NIPA2: variants seen among roughly 807,000 people sequenced by gnomAD.
The protein encoded by NIPA2 is NIPA magnesium transporter 2.
NIPA2 carries 11 observed loss-of-function variants against 29.7 expected under a neutral mutation model. The ratio of observed to expected loss-of-function variants is 0.37; its 90% confidence interval spans 0.23 to 0.61. The LOEUF (loss-of-function observed/expected upper bound fraction) is 0.61, where lower values mean the gene tolerates loss of function less well. NIPA2 is among the 20% of genes least tolerant of loss of function. The pLI, the probability that NIPA2 is intolerant of heterozygous loss-of-function variation, is 0.66. For synonymous variants in NIPA2, 183 were observed against 161.9 expected (o/e 1.13, Z -0.99); for missense variants, 426 against 437.9 (o/e 0.97, Z 0.24).
chr15:22,858,111 A>G (rs900498992), intron 5 of NIPA2, among the ~76,000 whole-genome samples: 4 of 152,000 alleles, frequency 2.6e-5, no homozygotes, highest in African/African-American at 9.7e-5. Flanking sequence ...TAAATTGGAG[A>G]GGCTGGGCGC....
rs763215261 is a variant in NIPA2 at position 22,866,306 on chromosome 15, A to G, written c.542A>G (p.Tyr181Cys). 1 of 1,613,962 alleles carries G rather than the reference A, an allele frequency of 6.2e-7. No individual in the cohort carries two copies. The highest frequency in any genetic ancestry group is 1.1e-5 in the South Asian group (1 of 91,080). Residue 181 changes from tyrosine to cysteine, a missense_variant, in exon 8 of 8, where the codon TAC becomes TGC. This residue lies in a region of NIPA2 where 357 missense variants were observed against 339.8 expected (regional missense o/e 1.05). Coordinates refer to ENST00000337451, the MANE Select transcript of NIPA2 (RefSeq NM_030922.7). ...PRHGQTNILV[Y>C]ITICSVIGAF... Reference sequence around the variant, plus strand: ...CATGGACAGACAAACATTCTTGTGTACATAACAATCTGCTCTGTAATCGGC... The same window carrying G: ...CATGGACAGACAAACATTCTTGTGTGCATAACAATCTGCTCTGTAATCGGC...
chr15:22,867,765 GT>G lies in NIPA2; in HGVS notation c.*921del, dbSNP rs766899409. ...TGAATGCTTAGAACAAACTTAACAT[GT>G]TTATAGAATATGGTCTCTTTGTACC... is the stretch of plus-strand genomic sequence containing the variant. On this transcript the variant is annotated 3_prime_UTR_variant, in exon 8 of 8. Transcript: ENST00000337451. 3 of 152,164 alleles carry G rather than the reference GT, an allele frequency of 2.0e-5. No individual in the cohort carries two copies. The highest frequency in any genetic ancestry group is 4.4e-5 in the Non-Finnish European group (3 of 68,042). 9.4% of individuals were successfully genotyped at this position (152,164 alleles called of 1,614,324 possible).
intron 5 of NIPA2, among the ~76,000 whole-genome samples, chr15:22,856,611 T>C (rs1007510964): frequency 2.6e-5 from 4 of 152,184 alleles, no homozygotes; most frequent in Non-Finnish European, 4.4e-5. Context: ...AATTGTAATA[T>C]GTTTAACCAA....
At chr15:22,860,422 G>A (rs1445148518) in intron 6 of NIPA2, among the ~76,000 whole-genome samples, 11 of 152,204 alleles carry the variant, frequency 7.2e-5, no homozygotes, top group Non-Finnish European at 1.6e-4. Flanking sequence ...GTATACAGGT[G>A]TAGTGTATGA....
chr15:22,855,843 C>T (rs752967559), intron 5 of NIPA2, among the ~76,000 whole-genome samples: 2 of 152,112 alleles, frequency 1.3e-5, no homozygotes, highest in East Asian at 1.9e-4. Context: ...GTGAAGGCCA[C>T]GAGTGGGGAG....
chr15:22,851,464 C>G (rs565110214), intron 3 of NIPA2, among the ~76,000 whole-genome samples, 175 bp from the exon 4 acceptor site: 1 of 151,870 alleles, frequency 6.6e-6, no homozygotes, highest in East Asian at 1.9e-4. Flanking sequence ...TATCTTTTGC[C>G]ATAATTTGAA....
chr15:22,853,222 C>T lies in NIPA2; in HGVS notation c.150C>T (p.Gly50=). 6.2e-7 allele frequency: 1 copy of T among 1,607,638 alleles called. No individual in the cohort carries two copies. The highest frequency in any genetic ancestry group is 1.7e-5 in the Admixed American group (1 of 59,936). Residue 50 remains glycine (G), a synonymous_variant, in exon 5 of 8, where the codon GGC becomes GGT. Transcript: ENST00000337451. ...TTTCTTCATTCACAGGTCAAGGTGG[C>T]CATGCATATCTTAAGGAATGGTTGT... The part of the protein sequence containing the change: ...RKGSMRAGQG[G]HAYLKEWLWW...
At chr15:22,853,299 T>G in intron 5 of NIPA2, 31 bp downstream of exon 5, 1 of 1,403,112 alleles carries the variant, frequency 7.1e-7, no homozygotes, top group Non-Finnish European at 1.0e-6. Flanking sequence ...AAGAAAAATA[T>G]GATAGCTATA....
Position 22,868,358 on chromosome 15 carries a change from T to TAATA in NIPA2, c.*1517_*1520dup, listed in dbSNP as rs762574905. The TAATA allele has an allele frequency of 2.7e-5, 4 of 147,102 alleles. No individual in the cohort carries two copies. The highest frequency in any genetic ancestry group is 6.1e-5 in the Non-Finnish European group (4 of 66,074). 9.1% of individuals were successfully genotyped at this position (147,102 alleles called of 1,614,324 possible). ...GAGACTCATTTGAACATGCATAGGT[T>TAATA]AATAAATAATAAATTCTTATTTAAC... On this transcript the variant is annotated 3_prime_UTR_variant, in exon 8 of 8. Coordinates refer to ENST00000337451, the MANE Select transcript of NIPA2 (RefSeq NM_030922.7).
chr15:22,842,847 C>A lies in NIPA2; in HGVS notation c.-215-2299C>A, dbSNP rs545138521. Among the ~76,000 whole-genome samples, 191 of 151,206 alleles carry A rather than the reference C, an allele frequency of 1.3e-3. 3 individuals are homozygous for A. The Middle Eastern group carries it at 0.024, about 19-fold the overall frequency. On this transcript the variant is annotated intron_variant, in intron 2 of 7. Transcript: ENST00000337451. ...CTGCATCCAAAAAAATTAAAAAATG[C>A]AAAAAATTTGCCTAGTGTAGTGGTG...
chr15:22,858,514 T>C, intron 5 of NIPA2, 26 bp from the exon 6 acceptor site: 2 of 1,548,536 alleles, frequency 1.3e-6, no homozygotes, highest in Non-Finnish European at 1.8e-6. Flanking sequence ...CTTACCTGAG[T>C]TTTTCTTTTG....
intron 5 of NIPA2, 115 bp from the exon 6 acceptor site, chr15:22,858,425 T>C (rs1453245648): frequency 2.8e-5 from 15 of 544,484 alleles, no homozygotes; most frequent in East Asian, 2.0e-4. Flanking sequence ...TGGAAAAATA[T>C]GGAGGTTACT....
intron 3 of NIPA2, among the ~76,000 whole-genome samples, chr15:22,848,985 G>A (rs886585346): frequency 2.6e-5 from 4 of 152,174 alleles, no homozygotes; most frequent in Non-Finnish European, 4.4e-5. Flanking sequence ...TCTGATGCAG[G>A]AGACTGGCTG....
rs2059273989 is a variant in NIPA2, at chr15:22,868,199, G to A, written c.*1352G>A. 1 of 152,154 alleles carries A rather than the reference G, an allele frequency of 6.6e-6. No homozygotes were observed. Among genetic ancestry groups the A allele is most frequent in the South Asian group, 2.1e-4 (1 of 4,820 alleles). The allele number at this position is 152,154 out of a possible 1,614,324, so 9.4% of individuals were successfully genotyped here. ...TTTATTATTGGCCTTCTAAGGAGCT[G>A]TTTTAGATGTTTTTTCTAACTGCCT... On this transcript the variant is annotated 3_prime_UTR_variant, in exon 8 of 8. Coordinates refer to ENST00000337451, the MANE Select transcript of NIPA2 (RefSeq NM_030922.7).
chr15:22,856,568 G>A (rs2058194685), intron 5 of NIPA2, among the ~76,000 whole-genome samples: 1 of 151,916 alleles, frequency 6.6e-6, no homozygotes, highest in Non-Finnish European at 1.5e-5. Context: ...AACAAGAGAA[G>A]AAAAAGGCAA....
At chr15:22,843,234 G>T (rs1038303622) in intron 2 of NIPA2, among the ~76,000 whole-genome samples, 19 of 152,086 alleles carry the variant, frequency 1.2e-4, no homozygotes, top group Admixed American at 1.1e-3. Context: ...GCCAGGTGCG[G>T]TGGCTCACGC....
chr15:22,847,378 G>A (rs756365365), intron 3 of NIPA2, among the ~76,000 whole-genome samples: 6 of 152,130 alleles, frequency 3.9e-5, no homozygotes, highest in Non-Finnish European at 8.8e-5. Flanking sequence ...CAATACAGCT[G>A]TCAAGTAGTC....
chr15:22,856,389 A>G (rs572505427), intron 5 of NIPA2, among the ~76,000 whole-genome samples: 120 of 150,072 alleles, frequency 8.0e-4, no homozygotes, highest in African/African-American at 2.9e-3. Context: ...GCTTTCTCCA[A>G]GCTTTTTTTT....
rs1323940553 is a variant in NIPA2 at position 22,867,149 on chromosome 15, CTTTAT to C, written c.*306_*310del. 3.4e-5 allele frequency: 15 copies of C among 447,654 alleles called. No individual in the cohort carries two copies. The highest frequency in any genetic ancestry group is 1.5e-4 in the Admixed American group (4 of 25,916). The allele number at this position is 447,654 out of a possible 1,614,324, so 27.7% of individuals were successfully genotyped here. A position where few individuals can be genotyped will look rare whatever the true frequency, so the allele number is the denominator to read the frequency against. The stretch of plus-strand genomic sequence containing the variant: ...TGACAGTTTTAAGTCTATGAAAATG[CTTTAT>C]TTTTTCATTGGTGATGAAAGTCTGA... On this transcript the variant is annotated 3_prime_UTR_variant, in exon 8 of 8. Coordinates refer to ENST00000337451, the MANE Select transcript of NIPA2 (RefSeq NM_030922.7).
Sources: gnomAD v4.1 joint callset for allele counts (sites outside exome capture counted in the v4.1 genomes callset) on GRCh38, gnomAD v4.1.1 for gene constraint, gnomAD v4.1.1 regional missense constraint, MANE v1.5 for transcripts, NCBI Gene and HGNC (gene_info 2026-07-23, HGNC 2026-07-21) for gene names.